The following SGPL1 variants were observed in gnomAD, a reference collection of about 807,000 sequenced individuals.
The protein encoded by SGPL1 is SP-lyase 1.
Under a neutral mutation model 68.9 loss-of-function variants are expected in SGPL1, and 37 were observed. The ratio of observed to expected loss-of-function variants is 0.54; its 90% CI spans 0.41 to 0.71. The LOEUF is 0.71. Among genes scored for constraint, SGPL1 ranks in the 30% least tolerant of loss-of-function variants. SGPL1 has a pLI of 0.00. For missense variants in SGPL1, 551 were observed against 704.6 expected, an observed-to-expected ratio of 0.78 and a Z score of 2.47; for synonymous variants, 236 against 248.5, an observed-to-expected ratio of 0.95 and a Z score of 0.47.
At chr10:70,841,197 G>T (rs1479462201) in intron 2 of SGPL1, among the ~76,000 whole-genome samples, 1 of 152,068 alleles carries the variant, frequency 6.6e-6, no homozygotes, top group Admixed American at 6.6e-5. Flanking sequence ...AGTGGGCTCT[G>T]GGGAATGGCC....
chr10:70,868,227 C>T (rs2131935451), intron 7 of SGPL1, 118 bp from the exon 8 acceptor site: 1 of 743,242 alleles, frequency 1.3e-6, no homozygotes, highest in Non-Finnish European at 2.2e-6. Context: ...CAGTGTCTGC[C>T]TTGCAGCATG....
At chr10:70,851,261 C>T in intron 4 of SGPL1, 51 bp downstream of exon 4, 1 of 1,400,902 alleles carries the variant, frequency 7.1e-7, no homozygotes, top group African/African-American at 1.4e-5. Flanking sequence ...AATCATACCT[C>T]TTTCTTTCTA....
intron 6 of SGPL1, 63 bp downstream of exon 6, chr10:70,857,753 T>C (rs1845989650): frequency 3.8e-6 from 4 of 1,047,466 alleles, no homozygotes; most frequent in Middle Eastern, 4.4e-4. Flanking sequence ...ACCTCCTTTT[T>C]TTCCCTTACT....
chr10:70,852,516 G>A (rs1003883801), intron 4 of SGPL1, among the ~76,000 whole-genome samples: 5 of 152,140 alleles, frequency 3.3e-5, no homozygotes, highest in Non-Finnish European at 5.9e-5. Flanking sequence ...CTTATCTCCT[G>A]AATTTTTTTT....
Position 70,851,139 on chromosome 10 carries a change from T to A in SGPL1, c.194-4T>A, listed in dbSNP as rs900568972. On this transcript the variant is annotated splice_polypyrimidine_tract_variant and splice_region_variant and intron_variant, in intron 3 of 14. Coordinates refer to ENST00000373202, the MANE Select transcript of SGPL1 (RefSeq NM_003901.4). ...TGAATAAGAGAACCATTTGTTTCTT[T>A]TAGGTTTATGGTCAAGGTTTAAAAA... 2 of 1,612,004 alleles carry A rather than the reference T, an allele frequency of 1.2e-6. No individual in the cohort carries two copies. Among genetic ancestry groups the A allele is most frequent in the African/African-American group, 2.7e-5 (2 of 74,908 alleles).
chr10:70,828,018 A>G (rs369654355), intron 2 of SGPL1, among the ~76,000 whole-genome samples: 1 of 152,310 alleles, frequency 6.6e-6, no homozygotes, highest in Non-Finnish European at 1.5e-5. Flanking sequence ...CTATATTATA[A>G]CTAATTTGTT....
chr10:70,859,740 CAACATTT>C (rs1243358978), intron 7 of SGPL1: 1 of 156,172 alleles, frequency 6.4e-6, no homozygotes, highest in East Asian at 1.8e-4. Flanking sequence ...TAGACAATGT[CAACATTT>C]TGGTATATAT....
intron 4 of SGPL1, among the ~76,000 whole-genome samples, chr10:70,854,470 C>T (rs1308199283): frequency 6.6e-6 from 1 of 152,120 alleles, no homozygotes; most frequent in Non-Finnish European, 1.5e-5. Context: ...CCACCGCGAC[C>T]GGCTGAGTGC....
At chr10:70,843,557 A>C (rs1845748201) in intron 2 of SGPL1, among the ~76,000 whole-genome samples, 1 of 152,234 alleles carries the variant, frequency 6.6e-6, no homozygotes, top group Admixed American at 6.5e-5. Flanking sequence ...GGTTGTGATA[A>C]GCTCTGTATA....
chr10:70,840,093 C>A (rs965486352), intron 2 of SGPL1, among the ~76,000 whole-genome samples: 1 of 151,918 alleles, frequency 6.6e-6, no homozygotes, highest in Non-Finnish European at 1.5e-5. Context: ...CAGGGTAGAT[C>A]CTGCCAAGAA....
At chr10:70,824,593 CA>C (rs999592094) in intron 2 of SGPL1, among the ~76,000 whole-genome samples, 8 of 149,308 alleles carry the variant, frequency 5.4e-5, no homozygotes, top group African/African-American at 1.7e-4. Context: ...AGTGCGATGA[CA>C]AAAAAAAAGT....
chr10:70,834,874 G>C (rs939309441), intron 2 of SGPL1, among the ~76,000 whole-genome samples: 1 of 152,162 alleles, frequency 6.6e-6, no homozygotes, highest in African/African-American at 2.4e-5. Context: ...TCCTGGCTCC[G>C]CTATTTCCGA....
In SGPL1 at chr10:70,871,112, A is replaced by C; in HGVS notation, c.875A>C (p.His292Pro). The change falls in exon 10 of 15, where the codon CAT becomes CCT. Residue 292 changes from histidine to proline, a missense_variant. His to Pro is a moderately conservative substitution (Grantham distance 77, BLOSUM62 -2). Transcript: ENST00000373202. ...MLVCSTPQFP[H>P]GVIDPVPEVA... ...GTCTGTTCTACCCCACAGTTTCCTC[A>C]TGGTGTAATAGATCCTGTCCCTGAA... The C allele has an allele frequency of 6.2e-7, 1 of 1,613,884 alleles. No individual in the cohort carries two copies. Among genetic ancestry groups the C allele is most frequent in the Non-Finnish European group, 8.5e-7 (1 of 1,179,812 alleles).
chr10:70,851,219 A>G lies in SGPL1; in HGVS notation c.261+9A>G. 1 of 1,603,842 alleles carries G rather than the reference A, an allele frequency of 6.2e-7. No individual in the cohort carries two copies. The highest frequency in any genetic ancestry group is 8.5e-7 in the Non-Finnish European group (1 of 1,170,822). On this transcript the variant is annotated intron_variant, in intron 4 of 14. Coordinates refer to ENST00000373202, the MANE Select transcript of SGPL1 (RefSeq NM_003901.4). ...CCATTATTGGTCGTAAGGTAAGTAG[A>G]ATCTGTGTATGTCATTTTTTCCCCT...
chr10:70,823,730 A>G (rs1845383837), intron 2 of SGPL1, among the ~76,000 whole-genome samples: 1 of 150,064 alleles, frequency 6.7e-6, no homozygotes, highest in African/African-American at 2.4e-5. Context: ...ATTTTTCATA[A>G]TTGAAGTTCC....
At position 70,872,063 on chromosome 10, in the gene SGPL1, C is replaced by T. The variant is rs113285001; in HGVS notation, c.1059+77C>T. The T allele has an allele frequency of 0.056, 79,215 of 1,404,074 alleles. 2,498 individuals carry two copies. Among genetic ancestry groups the T allele is most frequent in the Non-Finnish European group, 0.063 (64,367 of 1,022,416 alleles). The allele number at this position is 1,404,074 out of a possible 1,614,324, so 87.0% of individuals were successfully genotyped here. The stretch of plus-strand genomic sequence containing the variant: ...TGATAAAATAAATTGGTAGCTTCCC[C>T]GCAAAGTATAAAATTAACTATAGAA... On this transcript the variant is annotated intron_variant, in intron 11 of 14. Coordinates refer to ENST00000373202, the MANE Select transcript of SGPL1 (RefSeq NM_003901.4).
intron 4 of SGPL1, among the ~76,000 whole-genome samples, chr10:70,853,113 G>A (rs928595822): frequency 1.3e-5 from 2 of 152,176 alleles, no homozygotes; most frequent in East Asian, 1.9e-4. Context: ...TGCATGAGTC[G>A]CCATTTATGT....
chr10:70,854,575 A>G, intron 4 of SGPL1, 133 bp from the exon 5 acceptor site: 1 of 719,730 alleles, frequency 1.4e-6, no homozygotes, highest in Non-Finnish European at 2.3e-6. Flanking sequence ...ATCACCATAT[A>G]TCTTTAGGAA....
chr10:70,866,466 A>G (rs1287661701), intron 7 of SGPL1: 1 of 152,232 alleles, frequency 6.6e-6, no homozygotes, highest in Non-Finnish European at 1.5e-5. Flanking sequence ...TTTGCATAAC[A>G]ATGATGTTTT....
Sources: gnomAD v4.1 joint callset for allele counts (sites outside exome capture counted in the v4.1 genomes callset) on GRCh38, gnomAD v4.1.1 for gene constraint, MANE v1.5 for transcripts, NCBI Gene and HGNC (gene_info 2026-07-23, HGNC 2026-07-21) for gene names.